The following DSCAM variants were observed in gnomAD, a reference collection of about 807,000 sequenced individuals.
The protein encoded by DSCAM is DS cell adhesion molecule, also known as cell adhesion molecule DSCAM.
In DSCAM, 47 loss-of-function variants were observed where a neutral mutation model predicts 217.7. The observed-to-expected ratio is 0.22, with a 90% confidence interval of 0.17 to 0.28. DSCAM has a LOEUF of 0.28. Among genes scored for constraint, DSCAM ranks in the 10% least tolerant of loss-of-function variants. DSCAM has a pLI of 1.00. For missense variants in DSCAM, 2,080 were observed against 2,618.3 expected (o/e 0.79, Z 4.49); for synonymous variants, 1,056 against 1,015.3 (o/e 1.04, Z -0.76).
intron 1 of DSCAM, among the ~76,000 whole-genome samples, chr21:40,780,696 C>A (rs1026007824): frequency 7.2e-5 from 11 of 151,916 alleles, no homozygotes; most frequent in African/African-American, 2.7e-4. Context: ...GATGAGGATG[C>A]AGGAACATGT....
intron 4 of DSCAM, among the ~76,000 whole-genome samples, chr21:40,354,848 C>CAAAAAA (rs11314417): frequency 2.7e-5 from 3 of 112,374 alleles, no homozygotes; most frequent in Admixed American, 1.7e-4. Context: ...AACTCTGTCT[C>CAAAAAA]AAAAAAAAAA....
intron 2 of DSCAM, among the ~76,000 whole-genome samples, chr21:40,696,220 T>C (rs1343194741): frequency 1.3e-5 from 2 of 151,974 alleles, no homozygotes; most frequent in Non-Finnish European, 2.9e-5. Flanking sequence ...GGGACAGCAC[T>C]GTGGTGCTCT....
intron 27 of DSCAM, among the ~76,000 whole-genome samples, chr21:40,073,645 CCTT>C (rs531764710): frequency 2.0e-5 from 3 of 152,306 alleles, no homozygotes; most frequent in South Asian, 4.1e-4. Context: ...ATTAATCCGT[CCTT>C]CTTTTTCACT....
intron 27 of DSCAM, among the ~76,000 whole-genome samples, chr21:40,064,219 G>A (rs1346408835): frequency 6.6e-6 from 1 of 151,602 alleles, no homozygotes; most frequent in African/African-American, 2.4e-5. Flanking sequence ...CCAGAAGCCT[G>A]GACTTAATTA....
At chr21:40,827,077 T>C (rs1164716367) in intron 1 of DSCAM, among the ~76,000 whole-genome samples, 2 of 151,726 alleles carry the variant, frequency 1.3e-5, no homozygotes, top group Non-Finnish European at 2.9e-5. Context: ...TAGAGTCTAA[T>C]TAGAGGGAAG....
At chr21:40,349,285 TTTACCCAGG>T (rs2123633524) in intron 5 of DSCAM, among the ~76,000 whole-genome samples, 1 of 151,878 alleles carries the variant, frequency 6.6e-6, no homozygotes, top group African/African-American at 2.4e-5. Context: ...ACATATGTGG[TTTACCCAGG>T]GCCAATAACA....
chr21:40,445,031 G>C (rs1005122567), intron 3 of DSCAM, among the ~76,000 whole-genome samples: 1 of 152,178 alleles, frequency 6.6e-6, no homozygotes, highest in Non-Finnish European at 1.5e-5. Context: ...AAGGCCCCAG[G>C]AGATTCTGTG....
At chr21:40,447,935 G>A (rs566940935) in intron 3 of DSCAM, among the ~76,000 whole-genome samples, 1 of 152,266 alleles carries the variant, frequency 6.6e-6, no homozygotes, top group East Asian at 1.9e-4. Context: ...CTTTGCTAAA[G>A]GGCATTTTTG....
At chr21:40,677,892 C>T (rs1423788243) in intron 3 of DSCAM, among the ~76,000 whole-genome samples, 2 of 152,136 alleles carry the variant, frequency 1.3e-5, no homozygotes, top group African/African-American at 4.8e-5. Context: ...GCCTCCAGAG[C>T]TCTGAGAAAT....
At chr21:40,401,736 TA>T (rs1468852725) in intron 3 of DSCAM, among the ~76,000 whole-genome samples, 1 of 150,632 alleles carries the variant, frequency 6.6e-6, no homozygotes, top group African/African-American at 2.5e-5. Context: ...ATGGTATTCT[TA>T]CAGCCATGTT....
chr21:40,517,668 G>A (rs1299567107), intron 3 of DSCAM, among the ~76,000 whole-genome samples: 1 of 152,106 alleles, frequency 6.6e-6, no homozygotes, highest in Non-Finnish European at 1.5e-5. Flanking sequence ...GACAGTGCAT[G>A]TCATAAGAAC....
At chr21:40,366,317 A>G (rs1489433203) in intron 4 of DSCAM, among the ~76,000 whole-genome samples, 1 of 152,050 alleles carries the variant, frequency 6.6e-6, no homozygotes, top group Non-Finnish European at 1.5e-5. Flanking sequence ...ACATCTATAC[A>G]TTTTTAACTC....
intron 11 of DSCAM, among the ~76,000 whole-genome samples, chr21:40,260,853 C>A (rs1015763137): frequency 1.3e-5 from 2 of 152,126 alleles, no homozygotes; most frequent in African/African-American, 2.4e-5. Context: ...AAAATGATTA[C>A]ATGATAATAA....
At chr21:40,669,842 A>G (rs2090251228) in intron 3 of DSCAM, among the ~76,000 whole-genome samples, 1 of 152,102 alleles carries the variant, frequency 6.6e-6, no homozygotes, top group African/African-American at 2.4e-5. Context: ...AAGTGCTGAG[A>G]TTACAGGCAT....
At chr21:40,283,127 T>C (rs2073785191) in intron 10 of DSCAM, among the ~76,000 whole-genome samples, 1 of 152,208 alleles carries the variant, frequency 6.6e-6, no homozygotes, top group African/African-American at 2.4e-5. Context: ...TGGAGGGAAG[T>C]AGACTTCGCC....
At chr21:40,228,533 G>A (rs1166797186) in intron 11 of DSCAM, among the ~76,000 whole-genome samples, 1 of 151,942 alleles carries the variant, frequency 6.6e-6, no homozygotes, top group Non-Finnish European at 1.5e-5. Flanking sequence ...TTGCTCAAAT[G>A]ATTCCAGATT....
chr21:40,330,269 C>A (rs891857841), intron 8 of DSCAM, among the ~76,000 whole-genome samples: 1 of 145,406 alleles, frequency 6.9e-6, no homozygotes, highest in African/African-American at 2.5e-5. Context: ...TTATATATAT[C>A]AAAATATATT....
intron 1 of DSCAM, among the ~76,000 whole-genome samples, chr21:40,726,937 A>G (rs912772605): frequency 6.6e-6 from 1 of 152,134 alleles, no homozygotes; most frequent in Admixed American, 6.5e-5. Context: ...CTGAGCTGGC[A>G]TACCCAGCCC....
At chr21:40,401,684 G>A (rs1042553212) in intron 3 of DSCAM, among the ~76,000 whole-genome samples, 2 of 152,134 alleles carry the variant, frequency 1.3e-5, no homozygotes, top group Non-Finnish European at 2.9e-5. Flanking sequence ...CTGCAGATGG[G>A]ATAATCATAT....
Sources: allele counts gnomAD v4.1 joint callset (sites outside exome capture counted in the v4.1 genomes callset), GRCh38; gene constraint gnomAD v4.1.1; transcripts MANE v1.5; gene names NCBI Gene and HGNC (gene_info 2026-07-23, HGNC 2026-07-21).